The following BICC1 variants were observed in gnomAD, a reference collection of about 807,000 sequenced individuals.
BICC1 encodes the protein protein bicaudal C homolog 1.
Under a neutral mutation model 111.0 loss-of-function variants are expected in BICC1, and 43 were observed. The observed-to-expected ratio is 0.39, with a 90% CI of 0.30 to 0.50. The LOEUF (loss-of-function observed/expected upper bound fraction) is 0.50. Among genes scored for constraint, BICC1 ranks in the 20% least tolerant of loss-of-function variants. The pLI is 0.88. For synonymous variants in BICC1, 467 were observed against 434.4 expected, an observed-to-expected ratio of 1.07 and a Z score of -0.93; for missense variants, 1,091 against 1,203.2, an observed-to-expected ratio of 0.91 and a Z score of 1.38.
chr10:58,636,158 G>C (rs1226532093), intron 2 of BICC1, among the ~76,000 whole-genome samples: 3 of 152,124 alleles, frequency 2.0e-5, no homozygotes, highest in Admixed American at 6.5e-5. Flanking sequence ...GGACTGTATG[G>C]GACCTTAAAG....
intron 3 of BICC1, among the ~76,000 whole-genome samples, chr10:58,741,283 A>G (rs1234810171): frequency 6.6e-6 from 1 of 152,168 alleles, no homozygotes; most frequent in East Asian, 1.9e-4. Flanking sequence ...TTGCAGAAGG[A>G]GAAGGGATTT....
chr10:58,715,580 C>T, intron 3 of BICC1: 1 of 1,588,012 alleles, frequency 6.3e-7, no homozygotes, highest in Non-Finnish European at 8.6e-7. Flanking sequence ...ATCGGGTGGC[C>T]TATATGCACC....
Position 58,813,879 on chromosome 10 carries a change from G to A in BICC1, c.2426G>A (p.Gly809Asp), listed in dbSNP as rs758175996. The A allele has an allele frequency of 1.9e-6, 3 of 1,614,016 alleles. No individual in the cohort carries two copies. Among genetic ancestry groups the A allele is most frequent in the Admixed American group, 1.7e-5 (1 of 60,010 alleles). ...SRSNSREHLG[G>D]GSESDNWRDR... is the part of the protein sequence containing the mutation. ...TCCAACAGTCGTGAGCACTTGGGAG[G>A]TGGAAGCGAATCTGATAACTGGAGA... is the stretch of plus-strand genomic sequence containing the variant. The change falls in exon 18 of 21, where the codon GGT becomes GAT. Residue 809 changes from glycine (G) to aspartate (D), a missense_variant. Gly to Asp is a moderately conservative substitution (Grantham distance 94). Coordinates refer to ENST00000373886, the MANE Select transcript of BICC1 (RefSeq NM_001080512.3).
At chr10:58,652,161 A>T (rs1248513603) in intron 2 of BICC1, among the ~76,000 whole-genome samples, 1 of 152,184 alleles carries the variant, frequency 6.6e-6, no homozygotes, top group East Asian at 1.9e-4. Flanking sequence ...TTTCATCTAT[A>T]ACATGAAGAA....
chr10:58,536,215 A>G lies in BICC1; in HGVS notation c.190+22882A>G, dbSNP rs185851513. On this transcript the variant is annotated intron_variant, in intron 1 of 20. Coordinates refer to ENST00000373886, the MANE Select transcript of BICC1 (RefSeq NM_001080512.3). ...AAATACTGGACTCTAGAACAAACTG[A>G]CCTAAGAGATATTTACAGAACATTC... Among the ~76,000 whole-genome samples, 8 of 151,696 alleles carry G rather than the reference A, an allele frequency of 5.3e-5. No homozygotes were observed. In the East Asian group the frequency reaches 9.7e-4, roughly 18 times the overall value.
intron 2 of BICC1, among the ~76,000 whole-genome samples, chr10:58,680,167 TC>T (rs1156921647): frequency 3.9e-5 from 6 of 152,158 alleles, no homozygotes; most frequent in African/African-American, 1.4e-4. Flanking sequence ...TATTGGAAGT[TC>T]TGGCCAGGGC....
intron 1 of BICC1, among the ~76,000 whole-genome samples, chr10:58,583,275 T>C (rs1309719798): frequency 6.6e-6 from 1 of 152,122 alleles, no homozygotes; most frequent in Admixed American, 6.6e-5. Flanking sequence ...TGGTGACATT[T>C]GGTTATATGG....
At chr10:58,515,457 A>G (rs1209096820) in intron 1 of BICC1, among the ~76,000 whole-genome samples, 2 of 152,198 alleles carry the variant, frequency 1.3e-5, no homozygotes, top group African/African-American at 2.4e-5. Flanking sequence ...GCGTGTTACT[A>G]TACCCAATAC....
chr10:58,711,357 G>C (rs1035912439), intron 3 of BICC1, among the ~76,000 whole-genome samples: 2 of 152,134 alleles, frequency 1.3e-5, no homozygotes, highest in Admixed American at 1.3e-4. Flanking sequence ...GAAGATCCCA[G>C]TATACTTCAA....
intron 1 of BICC1, among the ~76,000 whole-genome samples, chr10:58,560,115 T>C (rs1258070505): frequency 1.3e-5 from 2 of 152,036 alleles, no homozygotes; most frequent in African/African-American, 4.8e-5. Context: ...CCTCTTCAAT[T>C]TTTTGGAGTG....
At chr10:58,534,463 T>A (rs1330414676) in intron 1 of BICC1, among the ~76,000 whole-genome samples, 1 of 151,634 alleles carries the variant, frequency 6.6e-6, no homozygotes, top group East Asian at 1.9e-4. Context: ...CACACAAAGA[T>A]TCTCTATAAC....
chr10:58,647,573 A>T (rs1838307245), intron 2 of BICC1, among the ~76,000 whole-genome samples: 1 of 152,054 alleles, frequency 6.6e-6, no homozygotes. Flanking sequence ...CCCCAAGGTG[A>T]TTTTTCCACA....
intron 1 of BICC1, among the ~76,000 whole-genome samples, chr10:58,554,855 T>G (rs1472594999): frequency 8.3e-6 from 1 of 120,842 alleles, no homozygotes; most frequent in Non-Finnish European, 1.9e-5. Flanking sequence ...TATAATAAAT[T>G]CTGTTATATA....
chr10:58,694,367 A>T (rs532245197), intron 2 of BICC1, among the ~76,000 whole-genome samples: 1 of 152,312 alleles, frequency 6.6e-6, no homozygotes, highest in Admixed American at 6.5e-5. Flanking sequence ...TTCAGAAGAG[A>T]AATGTGATTG....
intron 2 of BICC1, among the ~76,000 whole-genome samples, chr10:58,622,653 A>AT (rs1845856517): frequency 6.6e-6 from 1 of 152,166 alleles, no homozygotes; most frequent in Non-Finnish European, 1.5e-5. Context: ...TCCGTATAGG[A>AT]TTTGCATACT....
rs1842866908 is a variant in BICC1 at position 58,780,910 on chromosome 10, GT to G, written c.308-4089del. ...GTGTCCTTACGACAATTGTTGCCTT[GT>G]TAAGTCCTTACAGATATCCATATGA... On this transcript the variant is annotated intron_variant, in intron 3 of 20. Coordinates refer to ENST00000373886, the MANE Select transcript of BICC1 (RefSeq NM_001080512.3). Among the ~76,000 whole-genome samples the G allele has an allele frequency of 2.0e-5, 3 of 152,176 alleles. No homozygotes were observed. The South Asian group carries it at 6.2e-4, about 32-fold the overall frequency.
intron 2 of BICC1, among the ~76,000 whole-genome samples, chr10:58,639,229 G>C (rs1009364334): frequency 6.6e-6 from 1 of 152,044 alleles, no homozygotes; most frequent in Non-Finnish European, 1.5e-5. Context: ...TATACCCTAA[G>C]TGTTCCCAAT....
chr10:58,581,699 C>G (rs768832164), intron 1 of BICC1, among the ~76,000 whole-genome samples: 1 of 152,032 alleles, frequency 6.6e-6, no homozygotes, highest in Non-Finnish European at 1.5e-5. Flanking sequence ...TTTTCCTAGA[C>G]GCAATCATAC....
chr10:58,791,592 T>A (rs2132821224), intron 8 of BICC1, among the ~76,000 whole-genome samples: 1 of 152,100 alleles, frequency 6.6e-6, no homozygotes, highest in African/African-American at 2.4e-5. Flanking sequence ...ACAGAAAAGT[T>A]AGCCGGGCAT....
Sources: gnomAD v4.1 joint callset for allele counts (sites outside exome capture counted in the v4.1 genomes callset) on GRCh38, gnomAD v4.1.1 for gene constraint, MANE v1.5 for transcripts, NCBI Gene and HGNC (gene_info 2026-07-23, HGNC 2026-07-21) for gene names.